Variants in FOXP1 observed in about 807,000 individuals in gnomAD.
The protein encoded by FOXP1 is forkhead box P1, also known as forkhead box protein P1.
FOXP1 carries 15 observed loss-of-function variants against 98.2 expected under a neutral mutation model. That is an observed-to-expected ratio of 0.15 (90% confidence interval 0.10 to 0.24). FOXP1 has a LOEUF of 0.24. Among genes scored for constraint, FOXP1 ranks in the 10% least tolerant of loss-of-function variants. The pLI, the probability that FOXP1 is intolerant of heterozygous loss-of-function variation, is 1.00. For synonymous variants in FOXP1, 371 were observed against 314.5 expected, an observed-to-expected ratio of 1.18 and a Z score of -1.90; for missense variants, 633 against 848.5, an observed-to-expected ratio of 0.75 and a Z score of 3.15.
intron 6 of FOXP1, among the ~76,000 whole-genome samples, chr3:71,163,662 G>T (rs1341361272): frequency 6.6e-6 from 1 of 151,940 alleles, no homozygotes; most frequent in Non-Finnish European, 1.5e-5. Context: ...GAACAAGCAG[G>T]GAAACAACAA....
chr3:71,286,566 A>G (rs2072165899), intron 5 of FOXP1, among the ~76,000 whole-genome samples: 1 of 152,218 alleles, frequency 6.6e-6, no homozygotes, highest in Non-Finnish European at 1.5e-5. Flanking sequence ...CAAGAGAATG[A>G]CTGATATTTG....
intron 3 of FOXP1, among the ~76,000 whole-genome samples, chr3:71,472,536 A>G (rs1321303542): frequency 6.6e-6 from 1 of 152,026 alleles, no homozygotes; most frequent in Admixed American, 6.6e-5. Flanking sequence ...TTTCACTTCA[A>G]TGAAGTAAAT....
Position 71,374,169 on chromosome 3 carries a change from C to T in FOXP1, c.-167-14925G>A, listed in dbSNP as rs143962268. Among the ~76,000 whole-genome samples the T allele has an allele frequency of 1.1e-3, 174 of 152,266 alleles. 1 individual carries two copies. Among genetic ancestry groups the T allele is most frequent in the African/African-American group, 3.2e-3 (133 of 41,542 alleles). On this transcript the variant is annotated intron_variant, in intron 3 of 20. Transcript: ENST00000649528. The stretch of plus-strand genomic sequence containing the variant: ...CCTTGGTTGACATCCGTTTCTAGAA[C>T]GTGTTCTCAGCATCCATAAAGGCTA...
Position 70,977,061 on chromosome 3 carries a change from C to G in FOXP1, c.1429-19G>C. The G allele has an allele frequency of 1.3e-6, 2 of 1,527,070 alleles. No individual in the cohort carries two copies. The highest frequency in any genetic ancestry group is 1.4e-5 in the African/African-American group (1 of 73,318). The allele number at this position is 1,527,070 out of a possible 1,614,324, so 94.6% of individuals were successfully genotyped here. On this transcript the variant is annotated intron_variant, in intron 16 of 20. Transcript: ENST00000649528. ...GAATGGCCTGTGAAGCAGAATGTAA[C>G]AGAAGATAATTTATGACCAAATCAG... is the stretch of plus-strand genomic sequence containing the variant.
intron 7 of FOXP1, among the ~76,000 whole-genome samples, chr3:71,070,120 C>T (rs1208455298): frequency 1.3e-5 from 2 of 152,090 alleles, no homozygotes; most frequent in African/African-American, 4.8e-5. Context: ...TAAAGCCAGA[C>T]AGAGAAAGGA....
chr3:71,053,842 G>A, intron 7 of FOXP1, 69 bp from the exon 8 acceptor site: 1 of 1,575,204 alleles, frequency 6.3e-7, no homozygotes, highest in Admixed American at 1.7e-5. Context: ...AGGTTCAGCA[G>A]CTGACTGCCA....
intron 2 of FOXP1, among the ~76,000 whole-genome samples, chr3:71,524,537 C>T (rs1578005024): frequency 1.2e-5 from 1 of 81,650 alleles, no homozygotes; most frequent in East Asian, 2.3e-4. Context: ...GCAAATAAAT[C>T]TTAAAAAAAA....
intron 5 of FOXP1, among the ~76,000 whole-genome samples, chr3:71,263,977 T>G (rs564999168): frequency 6.6e-6 from 1 of 152,068 alleles, no homozygotes; most frequent in Non-Finnish European, 1.5e-5. Flanking sequence ...TCTCGAACTC[T>G]TGGCTTCAAG....
intron 2 of FOXP1, among the ~76,000 whole-genome samples, chr3:71,534,270 G>A (rs1002171614): frequency 5.3e-5 from 8 of 152,200 alleles, no homozygotes; most frequent in Non-Finnish European, 1.2e-4. Flanking sequence ...GGCCAAGGCA[G>A]GAGAATCGCT....
chr3:71,161,411 A>C (rs2061130100), intron 6 of FOXP1, among the ~76,000 whole-genome samples: 1 of 152,018 alleles, frequency 6.6e-6, no homozygotes, highest in African/African-American at 2.4e-5. Flanking sequence ...GTGACCTCTC[A>C]TCATTCAGCC....
chr3:71,501,632 G>A (rs562721832), intron 2 of FOXP1, among the ~76,000 whole-genome samples: 9 of 152,088 alleles, frequency 5.9e-5, no homozygotes, highest in African/African-American at 1.2e-4. Context: ...ATGACCTTTC[G>A]AAGAAAATGT....
intron 6 of FOXP1, among the ~76,000 whole-genome samples, chr3:71,159,912 A>T (rs1048881714): frequency 6.6e-6 from 1 of 152,208 alleles, no homozygotes; most frequent in Admixed American, 6.5e-5. Context: ...ATTAGCCCAA[A>T]TGTAAGACAG....
chr3:71,159,011 T>A (rs991799243), intron 6 of FOXP1, among the ~76,000 whole-genome samples: 6 of 146,320 alleles, frequency 4.1e-5, no homozygotes, highest in Admixed American at 2.1e-4. Context: ...GAGGCTGAGG[T>A]AGGAGAATCC....
intron 1 of FOXP1, 169 bp from the exon 2 acceptor site, chr3:71,581,866 G>A: frequency 1.1e-5 from 11 of 985,698 alleles, no homozygotes; most frequent in Non-Finnish European, 1.3e-5. Context: ...TGCGGCTCAG[G>A]GAATCCCTGC....
chr3:70,994,025 AG>A (rs2041009514), intron 13 of FOXP1, among the ~76,000 whole-genome samples: 1 of 151,408 alleles, frequency 6.6e-6, no homozygotes, highest in Non-Finnish European at 1.5e-5. Context: ...AAAAAGAAAA[AG>A]AAAAAGAAAA....
chr3:71,485,134 G>A (rs1460542972), intron 3 of FOXP1, among the ~76,000 whole-genome samples: 2 of 152,162 alleles, frequency 1.3e-5, no homozygotes, highest in African/African-American at 4.8e-5. Context: ...ACTGGCAGCT[G>A]AGGGCCAGCA....
intron 4 of FOXP1, among the ~76,000 whole-genome samples, chr3:71,347,184 T>C (rs978568081): frequency 6.6e-6 from 1 of 152,242 alleles, no homozygotes; most frequent in Non-Finnish European, 1.5e-5. Context: ...CCTTATTTGG[T>C]TCTTTCTTTA....
At chr3:70,990,492 T>C (rs2040436121) in intron 13 of FOXP1, among the ~76,000 whole-genome samples, 1 of 152,208 alleles carries the variant, frequency 6.6e-6, no homozygotes, top group South Asian at 2.1e-4. Flanking sequence ...CGGCATCCTT[T>C]CATTATTAAA....
chr3:71,220,702 G>A (rs972581718), intron 5 of FOXP1, among the ~76,000 whole-genome samples: 4 of 151,844 alleles, frequency 2.6e-5, no homozygotes, highest in Non-Finnish European at 4.4e-5. Flanking sequence ...GCAGTGAGCC[G>A]AGATCGCACC....
Sources: gnomAD v4.1 joint callset for allele counts (sites outside exome capture counted in the v4.1 genomes callset) on GRCh38, gnomAD v4.1.1 for gene constraint, MANE v1.5 for transcripts, NCBI Gene and HGNC (gene_info 2026-07-23, HGNC 2026-07-21) for gene names.